Variants in RPGRIP1L observed in about 807,000 individuals in gnomAD.
RPGRIP1L encodes RPGRIP1 like, also known as protein fantom.
Under a neutral mutation model 160.4 loss-of-function variants are expected in RPGRIP1L, and 131 were observed. The ratio of observed to expected loss-of-function variants is 0.82; its 90% confidence interval spans 0.71 to 0.94. RPGRIP1L has a LOEUF of 0.94. Ranked by LOEUF, RPGRIP1L falls within the 40% of genes least tolerant of loss-of-function variation. The pLI is 0.00. For missense variants in RPGRIP1L, 1,522 were observed against 1,535.8 expected, an observed-to-expected ratio of 0.99 and a Z score of 0.15; for synonymous variants, 510 against 515.8, an observed-to-expected ratio of 0.99 and a Z score of 0.15.
intron 21 of RPGRIP1L, among the ~76,000 whole-genome samples, chr16:53,637,082 G>A (rs1052125654): frequency 2.6e-5 from 4 of 151,856 alleles, no homozygotes; most frequent in South Asian, 2.1e-4. Context: ...CTGCAGCCTC[G>A]AAGTCCTGGG....
At position 53,686,442 on chromosome 16, in the gene RPGRIP1L, G is replaced by A. The variant is rs151174849; in HGVS notation, c.767C>T (p.Thr256Ile). ...SLLQLREQQA[T>I]DQRSNIRDNV... The stretch of plus-strand genomic sequence containing the variant: ...TTCTGTTTTAACATACCTTTGATCT[G>A]TAGCTTGCTGTTCTCGAAGCTGAAG... The change falls in exon 6 of 27, where the codon ACA (threonine) becomes ATA (isoleucine). Residue 256 changes from threonine (T) to isoleucine (I), a missense_variant. Thr to Ile is a moderately conservative substitution (Grantham distance 89). Coordinates refer to ENST00000647211, the MANE Select transcript of RPGRIP1L (RefSeq NM_015272.5). 67 of 1,613,064 alleles carry A rather than the reference G, an allele frequency of 4.2e-5. No individual in the cohort carries two copies. Among genetic ancestry groups the A allele is most frequent in the Non-Finnish European group, 5.5e-5 (65 of 1,179,648 alleles).
intron 2 of RPGRIP1L, among the ~76,000 whole-genome samples, chr16:53,700,030 A>AT (rs779186128): frequency 2.6e-5 from 4 of 152,218 alleles, no homozygotes; most frequent in Non-Finnish European, 5.9e-5. Context: ...TTGATAATCG[A>AT]TACATGCATG....
At chr16:53,678,788 A>G (rs1007904519) in intron 6 of RPGRIP1L, among the ~76,000 whole-genome samples, 3 of 152,196 alleles carry the variant, frequency 2.0e-5, no homozygotes, top group Admixed American at 6.5e-5. Flanking sequence ...AATTTGGGGC[A>G]TAAGGTTGAA....
intron 14 of RPGRIP1L, chr16:53,653,215 G>T: frequency 2.9e-6 from 2 of 698,592 alleles, no homozygotes; most frequent in Non-Finnish European, 3.5e-6. Flanking sequence ...TTTTAATATA[G>T]CCTAAGCCAG....
At chr16:53,667,885 A>T (rs1968403452) in intron 9 of RPGRIP1L, among the ~76,000 whole-genome samples, 1 of 151,832 alleles carries the variant, frequency 6.6e-6, no homozygotes, top group Admixed American at 6.6e-5. Context: ...AAAAAAAATT[A>T]AAAAATAATA....
chr16:53,658,501 G>A, intron 11 of RPGRIP1L, 37 bp from the exon 12 acceptor site: 5 of 1,483,044 alleles, frequency 3.4e-6, no homozygotes. Flanking sequence ...AATGAGTTAT[G>A]AATGGAAAAT....
At chr16:53,650,674 T>G (rs1172866776) in intron 15 of RPGRIP1L, among the ~76,000 whole-genome samples, 1 of 152,226 alleles carries the variant, frequency 6.6e-6, no homozygotes, top group Non-Finnish European at 1.5e-5. Context: ...GAAGTCTTTT[T>G]GATTTTTGAG....
intron 6 of RPGRIP1L, among the ~76,000 whole-genome samples, chr16:53,680,985 G>A: frequency 6.6e-6 from 1 of 152,146 alleles, no homozygotes; most frequent in East Asian, 1.9e-4. Context: ...AGGGGTGAAA[G>A]GTTATGTGAG....
At chr16:53,651,690 C>G (rs1380861951) in intron 15 of RPGRIP1L, among the ~76,000 whole-genome samples, 1 of 152,106 alleles carries the variant, frequency 6.6e-6, no homozygotes, top group East Asian at 1.9e-4. Flanking sequence ...AATTTGCAAC[C>G]TGCCATTTCT....
intron 6 of RPGRIP1L, among the ~76,000 whole-genome samples, chr16:53,685,429 C>T (rs1969933839): frequency 6.6e-6 from 1 of 152,054 alleles, no homozygotes; most frequent in Admixed American, 6.5e-5. Context: ...GTACCAGTCA[C>T]AATAGCAAAG....
Position 53,638,416 on chromosome 16 carries a change from T to C in RPGRIP1L, c.2959-5A>G, listed in dbSNP as rs540344173. ...TTCAGGAGGAGGAGAAGTCTCCTTATATTAATGTGAAAACACGCATGTATG... is the reference window on the plus strand; with the variant it reads ...TTCAGGAGGAGGAGAAGTCTCCTTACATTAATGTGAAAACACGCATGTATG... On this transcript the variant is annotated splice_region_variant and splice_polypyrimidine_tract_variant and intron_variant, in intron 19 of 26. Transcript: ENST00000647211. The C allele has an allele frequency of 1.5e-5, 22 of 1,450,786 alleles. 1 individual carries two copies. Among genetic ancestry groups the C allele is most frequent in the East Asian group, 4.6e-5 (2 of 43,928 alleles). 89.9% of individuals were successfully genotyped at this position (1,450,786 alleles called of 1,614,324 possible).
At position 53,645,742 on chromosome 16, in the gene RPGRIP1L, G is replaced by T; in HGVS notation, c.2566C>A (p.Leu856Ile). The T allele has an allele frequency of 6.2e-7, 1 of 1,614,064 alleles. No homozygotes were observed. Among genetic ancestry groups the T allele is most frequent in the South Asian group, 1.1e-5 (1 of 91,068 alleles). ...VPMNMDLDRY[L>I]KSESLSFYVF... Reference sequence around the variant, plus strand: ...TAAAAACTCAGAGACTCTGACTTAAGGTATCGATCCAAGTCCATATTCATT... The same window carrying T: ...TAAAAACTCAGAGACTCTGACTTAATGTATCGATCCAAGTCCATATTCATT... The change falls in exon 17 of 27, where the codon CTT (leucine) becomes ATT (isoleucine). Residue 856 changes from leucine (L) to isoleucine (I), a missense_variant. Transcript: ENST00000647211.
intron 22 of RPGRIP1L, among the ~76,000 whole-genome samples, chr16:53,625,563 TG>T (rs1256845977): frequency 1.9e-4 from 24 of 127,908 alleles, no homozygotes; most frequent in East Asian, 7.6e-4. Flanking sequence ...GTCTTGGGGG[TG>T]GGGGGGCCCC....
chr16:53,664,985 C>T lies in RPGRIP1L; in HGVS notation c.1128G>A (p.Glu376=), dbSNP rs779375492. ...GCTGTTGCTCCTTTAACTTCCATTG[C>T]TCTTCATGGGCAGCACTGAAGGCAC... ...YDSAFSAAHE[E]QWKLKEQQLK... Residue 376 remains glutamate (E), a synonymous_variant, in exon 10 of 27, where the codon GAG becomes GAA. Transcript: ENST00000647211. The T allele has an allele frequency of 1.9e-6, 3 of 1,613,660 alleles. No individual in the cohort carries two copies. The highest frequency in any genetic ancestry group is 8.5e-7 in the Non-Finnish European group (1 of 1,179,896).
intron 19 of RPGRIP1L, among the ~76,000 whole-genome samples, chr16:53,639,479 G>T (rs777206711): frequency 2.0e-5 from 3 of 151,960 alleles, no homozygotes; most frequent in African/African-American, 7.3e-5. Flanking sequence ...TATATTCATG[G>T]GTGTGCCATG....
chr16:53,626,222 A>G (rs1965167424), intron 22 of RPGRIP1L, among the ~76,000 whole-genome samples: 1 of 151,888 alleles, frequency 6.6e-6, no homozygotes, highest in Non-Finnish European at 1.5e-5. Context: ...TAAATAATAT[A>G]CTGATTCAAA....
chr16:53,663,299 C>T (rs777430021), intron 10 of RPGRIP1L, among the ~76,000 whole-genome samples: 18 of 151,798 alleles, frequency 1.2e-4, no homozygotes, highest in South Asian at 2.1e-4. Context: ...ATTAATTCAA[C>T]GACAATAAAC....
At chr16:53,615,342 A>G (rs1412779053) in intron 24 of RPGRIP1L, among the ~76,000 whole-genome samples, 1 of 151,686 alleles carries the variant, frequency 6.6e-6, no homozygotes, top group Non-Finnish European at 1.5e-5. Flanking sequence ...CTTTCTCAGC[A>G]TTCTCTGAGC....
intron 9 of RPGRIP1L, among the ~76,000 whole-genome samples, chr16:53,665,430 A>G (rs757864172): frequency 2.6e-5 from 4 of 152,190 alleles, no homozygotes; most frequent in Non-Finnish European, 5.9e-5. Flanking sequence ...ATTCTGTGAA[A>G]CTTTTAAAGA....
Sources: allele counts gnomAD v4.1 joint callset (sites outside exome capture counted in the v4.1 genomes callset), GRCh38; gene constraint gnomAD v4.1.1; transcripts MANE v1.5; gene names NCBI Gene and HGNC (gene_info 2026-07-23, HGNC 2026-07-21).